Variants in PARD3B observed in about 807,000 individuals in gnomAD.
PARD3B encodes par-3 family cell polarity regulator beta, also known as partitioning defective 3 homolog B.
Under a neutral mutation model 130.2 loss-of-function variants are expected in PARD3B, and 103 were observed. That is an observed-to-expected ratio of 0.79 (90% CI 0.67 to 0.93). PARD3B has a LOEUF of 0.93. Ranked by LOEUF, PARD3B falls within the 40% of genes least tolerant of loss-of-function variation. The probability of loss-of-function intolerance (pLI) is 0.00; values close to 1 mark genes in which losing one functional copy is unlikely to be tolerated. For synonymous variants in PARD3B, 583 were observed against 553.2 expected (o/e 1.05, Z -0.76); for missense variants, 1,609 against 1,499.2 (o/e 1.07, Z -1.21).
At chr2:205,410,904 G>A (rs183021494) in intron 19 of PARD3B, among the ~76,000 whole-genome samples, 4 of 152,054 alleles carry the variant, frequency 2.6e-5, no homozygotes, top group African/African-American at 9.7e-5. Context: ...TCACCACCCG[G>A]CCTCCACCCG....
intron 15 of PARD3B, among the ~76,000 whole-genome samples, chr2:205,198,321 G>A (rs572883489): frequency 6.6e-6 from 1 of 152,252 alleles, no homozygotes; most frequent in East Asian, 1.9e-4. Context: ...TGATGCATGA[G>A]GCATTCAGAC....
chr2:205,575,615 G>A lies in PARD3B; in HGVS notation c.3260+22212G>A, dbSNP rs539069820. Among the ~76,000 whole-genome samples the A allele has an allele frequency of 3.3e-5, 5 of 151,976 alleles. No homozygotes were observed. Among genetic ancestry groups the A allele is most frequent in the African/African-American group, 1.2e-4 (5 of 41,442 alleles). Reference sequence around the variant, plus strand: ...CTAACTTTTAGTATGTCATATGCTTGGAATCACACAGTATGTAGCCTTTTC... The same window carrying A: ...CTAACTTTTAGTATGTCATATGCTTAGAATCACACAGTATGTAGCCTTTTC... On this transcript the variant is annotated intron_variant, in intron 22 of 22. Transcript: ENST00000406610. This position sits in a 1 kb window ranked among gnomAD's most constrained non-coding sequence, Gnocchi z 4.6.
intron 3 of PARD3B, among the ~76,000 whole-genome samples, chr2:205,000,384 C>G (rs377198647): frequency 2.0e-5 from 3 of 151,908 alleles, no homozygotes; most frequent in Non-Finnish European, 4.4e-5. Flanking sequence ...GGTTGGGGGA[C>G]GAGATAAGGT....
rs547331787 is a variant in PARD3B, at chr2:204,726,326, T to A, written c.222+40044T>A. ...TAAAATGTATTCCCAGTTTAGCTGC[T>A]GGTTCATCCTCACTCATCCCTGATC... is the stretch of plus-strand genomic sequence containing the variant. On this transcript the variant is annotated intron_variant, in intron 2 of 22. Coordinates refer to ENST00000406610, the MANE Select transcript of PARD3B (RefSeq NM_001302769.2). Among the ~76,000 whole-genome samples, 88 of 152,324 alleles carry A rather than the reference T, an allele frequency of 5.8e-4. No individual in the cohort carries two copies. The Middle Eastern group carries it at 0.014, about 24-fold the overall frequency.
intron 15 of PARD3B, among the ~76,000 whole-genome samples, chr2:205,223,155 T>C (rs938831914): frequency 6.6e-6 from 1 of 151,294 alleles, no homozygotes; most frequent in Non-Finnish European, 1.5e-5. Context: ...TAAACACAAA[T>C]GAGAAAAAAA....
At chr2:205,390,798 G>A (rs75791288) in intron 18 of PARD3B, among the ~76,000 whole-genome samples, 1,953 of 152,192 alleles carry the variant, frequency 0.013, 42 homozygotes, top group African/African-American at 0.044. Context: ...TCATCTGTTC[G>A]TTCCGATCAT....
rs1045058603 is a variant in PARD3B, at chr2:205,287,390, C to T, written c.2186-13140C>T. Among the ~76,000 whole-genome samples the T allele has an allele frequency of 4.6e-5, 7 of 152,198 alleles. No individual in the cohort carries two copies. The highest frequency in any genetic ancestry group is 3.9e-4 in the East Asian group (2 of 5,188). The stretch of plus-strand genomic sequence containing the variant: ...GGTCTCCATGTCAGCAGTACTCTCT[C>T]GTGCAGTTCTGGTTCCTCTCTTCAG... On this transcript the variant is annotated intron_variant, in intron 16 of 22. Coordinates refer to ENST00000406610, the MANE Select transcript of PARD3B (RefSeq NM_001302769.2). This position sits in a 1 kb window ranked among gnomAD's most constrained non-coding sequence, Gnocchi z 4.8.
In PARD3B at chr2:205,116,267, G is replaced by T. The variant is rs9784156; in HGVS notation, c.681-2654G>T. Among the ~76,000 whole-genome samples, 4,771 of 152,170 alleles carry T rather than the reference G, an allele frequency of 0.031. 243 individuals are homozygous for T. The highest frequency in any genetic ancestry group is 0.11 in the African/African-American group (4,448 of 41,484). On this transcript the variant is annotated intron_variant, in intron 6 of 22. Transcript: ENST00000406610. This position sits in a 1 kb window ranked among gnomAD's most constrained non-coding sequence, Gnocchi z 4.5. ...TCGTTTCAGTACAGATGCATAATAT[G>T]CCTCAGTTTCATAGGGAAGACAGCT...
chr2:205,402,986 A>G (rs547978717), intron 19 of PARD3B, among the ~76,000 whole-genome samples: 12 of 152,218 alleles, frequency 7.9e-5, no homozygotes, highest in East Asian at 5.8e-4. Flanking sequence ...AACATCTGGC[A>G]TTGCTCCCAA....
chr2:205,166,623 GGTTCTTTTCTTA>G (rs1416825657), intron 11 of PARD3B, among the ~76,000 whole-genome samples: 9 of 152,126 alleles, frequency 5.9e-5, no homozygotes, highest in African/African-American at 2.2e-4. Context: ...TGGAATACAA[GGTTCTTTTCTTA>G]GTTTAGGGTT....
chr2:205,054,414 ATATATATATATATATATATATATTTTT>A (rs1234412799), intron 4 of PARD3B, among the ~76,000 whole-genome samples: 1 of 18,928 alleles, frequency 5.3e-5, no homozygotes, highest in African/African-American at 1.4e-4. Flanking sequence ...TTATATATAT[ATATATATATATATATATATATATTTTT>A]TTTTTTTTTT....
At chr2:204,996,970 G>A (rs1283123388) in intron 3 of PARD3B, among the ~76,000 whole-genome samples, 6 of 151,890 alleles carry the variant, frequency 4.0e-5, no homozygotes, top group Non-Finnish European at 8.8e-5. Context: ...ACTGGCCTGC[G>A]CCCACTGTCT....
Position 205,037,277 on chromosome 2 carries a change from A to AAT in PARD3B, c.395-10292_395-10291dup, listed in dbSNP as rs375636792. Among the ~76,000 whole-genome samples the AAT allele has an allele frequency of 9.8e-4, 140 of 142,646 alleles. 2 individuals carry two copies. The highest frequency in any genetic ancestry group is 3.4e-3 in the African/African-American group (135 of 39,338). 93.6% of individuals were successfully genotyped at this position (142,646 alleles called of 152,430 possible). On this transcript the variant is annotated intron_variant, in intron 3 of 22. Coordinates refer to ENST00000406610, the MANE Select transcript of PARD3B (RefSeq NM_001302769.2). ...TATATATAGTGGACTATTTGTATAA[A>AAT]ATATATATATATAGTGGACTATTTG... is the stretch of plus-strand genomic sequence containing the variant.
chr2:205,252,137 T>C lies in PARD3B; in HGVS notation c.2185+6315T>C, dbSNP rs1310964588. Among the ~76,000 whole-genome samples the C allele has an allele frequency of 3.3e-5, 5 of 152,218 alleles. 1 individual carries two copies. The highest frequency in any genetic ancestry group is 1.2e-4 in the African/African-American group (5 of 41,460). ...ATTAGAAACAAATATATCAGTCTTT[T>C]CCATAAAATTCTTTACTCCTCAAAT... On this transcript the variant is annotated intron_variant, in intron 16 of 22. Transcript: ENST00000406610.
chr2:205,321,011 T>C lies in PARD3B; in HGVS notation c.2630+19310T>C, dbSNP rs1402386751. On this transcript the variant is annotated intron_variant, in intron 18 of 22. Transcript: ENST00000406610. The surrounding 1 kb of genome is among the most constrained non-coding windows in gnomAD (Gnocchi z 4.2). ...CATTCTCTTACTAGTGTAAAATTAT[T>C]TTTTGTTCCCTTTCCATAGTTCTCC... 6.6e-6 allele frequency among the ~76,000 whole-genome samples: 1 copy of C among 152,204 alleles called. No individual in the cohort carries two copies. The highest frequency in any genetic ancestry group is 1.5e-5 in the Non-Finnish European group (1 of 68,030).
chr2:204,765,615 C>A (rs1170372285), intron 2 of PARD3B, among the ~76,000 whole-genome samples: 3 of 152,134 alleles, frequency 2.0e-5, no homozygotes, highest in Non-Finnish European at 4.4e-5. Flanking sequence ...ATTTTGGTTT[C>A]TTTCATTCTT....
chr2:205,552,552 G>T (rs1237857243), intron 21 of PARD3B, among the ~76,000 whole-genome samples: 19 of 151,992 alleles, frequency 1.3e-4, no homozygotes, highest in Non-Finnish European at 2.8e-4. Context: ...GGGACTACAG[G>T]CGTGCACCAC....
intron 20 of PARD3B, among the ~76,000 whole-genome samples, chr2:205,478,603 A>G (rs2049112828): frequency 6.6e-6 from 1 of 152,062 alleles, no homozygotes. Flanking sequence ...AGTCCTGCTC[A>G]AGATTTCAGC....
In PARD3B at chr2:205,258,180, T is replaced by A. The variant is rs1346880571; in HGVS notation, c.2185+12358T>A. ...TGCAGTCAGCTTTGACTTTTTCCTCTCTTAAGCCCTGACATTTACCAGCAG... is the reference window on the plus strand; with the variant it reads ...TGCAGTCAGCTTTGACTTTTTCCTCACTTAAGCCCTGACATTTACCAGCAG... On this transcript the variant is annotated intron_variant, in intron 16 of 22. Transcript: ENST00000406610. This position sits in a 1 kb window ranked among gnomAD's most constrained non-coding sequence, Gnocchi z 4.9. Among the ~76,000 whole-genome samples, 1 of 152,128 alleles carries A rather than the reference T, an allele frequency of 6.6e-6. No homozygotes were observed. The highest frequency in any genetic ancestry group is 1.5e-5 in the Non-Finnish European group (1 of 68,016).
Sources: gnomAD v4.1 joint callset for allele counts (sites outside exome capture counted in the v4.1 genomes callset) on GRCh38, gnomAD v4.1.1 for gene constraint, Gnocchi (gnomAD v3.1) non-coding constraint, MANE v1.5 for transcripts, NCBI Gene and HGNC (gene_info 2026-07-23, HGNC 2026-07-21) for gene names.